The following SMAP1 variants were observed in gnomAD, a reference collection of about 807,000 sequenced individuals.
SMAP1 encodes the protein stromal membrane-associated protein 1.
SMAP1 carries 24 observed loss-of-function variants against 58.5 expected under a neutral mutation model. That is an observed-to-expected ratio of 0.41 (90% CI 0.30 to 0.58). The LOEUF is 0.58. SMAP1 is among the 20% of genes least tolerant of loss of function. SMAP1 has a pLI of 0.29. For synonymous variants in SMAP1, 216 were observed against 196.6 expected (o/e 1.10, Z -0.82); for missense variants, 563 against 566.3 (o/e 0.99, Z 0.06).
chr6:70,745,565 T>C lies in SMAP1; in HGVS notation c.253-9415T>C, dbSNP rs1313614291. Among the ~76,000 whole-genome samples the C allele has an allele frequency of 2.0e-5, 3 of 152,368 alleles. No individual in the cohort carries two copies. In the South Asian group the frequency reaches 6.2e-4, roughly 32 times the overall value. On this transcript the variant is annotated intron_variant, in intron 2 of 10. Coordinates refer to ENST00000370455, the MANE Select transcript of SMAP1 (RefSeq NM_001044305.3). The stretch of plus-strand genomic sequence containing the variant: ...TTTTGGTACCAGTACCATGCTGTTT[T>C]GGTTACTGTAGCCTTGTAGTATAGT...
chr6:70,798,487 C>T (rs370441271), intron 5 of SMAP1, among the ~76,000 whole-genome samples, 170 bp from the exon 6 acceptor site: 3 of 151,846 alleles, frequency 2.0e-5, no homozygotes, highest in Non-Finnish European at 4.4e-5. Flanking sequence ...CAGCATATAA[C>T]CTCAATGAGA....
chr6:70,808,704 C>A (rs1201251501), intron 6 of SMAP1, among the ~76,000 whole-genome samples: 5 of 152,186 alleles, frequency 3.3e-5, no homozygotes, highest in Non-Finnish European at 7.3e-5. Context: ...CATCATCTAA[C>A]AGTATCCTTA....
At position 70,729,459 on chromosome 6, in the gene SMAP1, T is replaced by TTTTGTGTGTGTG. The variant is rs1491434129; in HGVS notation, c.119-2918_119-2917insTTGTGTGTGTGT. Reference sequence around the variant, plus strand: ...GTCTCAAAAAAAAAAAAAAAGAAGGTTGTGTGTGTGTGTGTGTGTGTGTGT... The same window carrying TTTTGTGTGTGTG: ...GTCTCAAAAAAAAAAAAAAAGAAGGTTTTGTGTGTGTGTGTGTGTGTGTGTGTGTGTGTGTGT... On this transcript the variant is annotated intron_variant, in intron 1 of 10. Coordinates refer to ENST00000370455, the MANE Select transcript of SMAP1 (RefSeq NM_001044305.3). 2.8e-3 allele frequency among the ~76,000 whole-genome samples: 357 copies of TTTTGTGTGTGTG among 128,164 alleles called. 1 individual carries two copies. Among genetic ancestry groups the TTTTGTGTGTGTG allele is most frequent in the African/African-American group, 8.3e-3 (284 of 34,098 alleles). The allele number at this position is 128,164 out of a possible 152,430, so 84.1% of individuals were successfully genotyped here. A position where few individuals can be genotyped will look rare whatever the true frequency, so the allele number is the denominator to read the frequency against.
At chr6:70,748,737 T>C (rs1766151250) in intron 2 of SMAP1, among the ~76,000 whole-genome samples, 1 of 152,092 alleles carries the variant, frequency 6.6e-6, no homozygotes, top group South Asian at 2.1e-4. Context: ...ATAGAAAATA[T>C]GTGGACATGG....
At chr6:70,756,719 C>G (rs1778142696) in intron 3 of SMAP1, among the ~76,000 whole-genome samples, 1 of 152,006 alleles carries the variant, frequency 6.6e-6, no homozygotes, top group South Asian at 2.1e-4. Context: ...TCTTATACAC[C>G]AATAACAGAC....
At chr6:70,705,518 T>C (rs1309375566) in intron 1 of SMAP1, among the ~76,000 whole-genome samples, 1 of 152,150 alleles carries the variant, frequency 6.6e-6, no homozygotes, top group East Asian at 1.9e-4. Flanking sequence ...CCCAAACTGT[T>C]GGGATTACAG....
intron 4 of SMAP1, among the ~76,000 whole-genome samples, chr6:70,779,334 C>T (rs1767668288): frequency 6.6e-6 from 1 of 152,168 alleles, no homozygotes; most frequent in African/African-American, 2.4e-5. Context: ...TATTGGGCTT[C>T]AGGGCTGGAT....
At position 70,812,025 on chromosome 6, in the gene SMAP1, A is replaced by T. The variant is rs188297387; in HGVS notation, c.576+13288A>T. ...ATTCACATCGCTGGGACAATATTTC[A>T]TCATGTTACTCAGAACCGTGTGTAA... On this transcript the variant is annotated intron_variant, in intron 6 of 10. Transcript: ENST00000370455. Among the ~76,000 whole-genome samples, 268 of 152,316 alleles carry T rather than the reference A, an allele frequency of 1.8e-3. 1 individual carries two copies. The highest frequency in any genetic ancestry group is 6.8e-3 in the Middle Eastern group (2 of 294).
chr6:70,763,458 G>A (rs1766838911), intron 3 of SMAP1, among the ~76,000 whole-genome samples: 1 of 152,016 alleles, frequency 6.6e-6, no homozygotes, highest in Non-Finnish European at 1.5e-5. Context: ...CTTTTCCTCT[G>A]CACTCCGTAT....
intron 3 of SMAP1, among the ~76,000 whole-genome samples, chr6:70,766,188 T>C (rs1032425599): frequency 1.8e-4 from 27 of 152,308 alleles, no homozygotes; most frequent in African/African-American, 6.3e-4. Context: ...CTATTGTGAA[T>C]AGTGCCACAA....
At chr6:70,769,681 A>G (rs984152638) in intron 3 of SMAP1, among the ~76,000 whole-genome samples, 6 of 152,176 alleles carry the variant, frequency 3.9e-5, no homozygotes, top group African/African-American at 7.2e-5. Context: ...AATACAGCAC[A>G]CTGATGGGTC....
At chr6:70,841,273 G>A (rs888976778) in intron 7 of SMAP1, among the ~76,000 whole-genome samples, 5 of 152,198 alleles carry the variant, frequency 3.3e-5, no homozygotes, top group Non-Finnish European at 7.3e-5. Flanking sequence ...TCCTGCAGGG[G>A]TTCTGTTTTG....
At chr6:70,852,342 A>G (rs1309746639) in intron 7 of SMAP1, among the ~76,000 whole-genome samples, 198 bp from the exon 8 acceptor site, 1 of 152,166 alleles carries the variant, frequency 6.6e-6, no homozygotes, top group African/African-American at 2.4e-5. Context: ...TGGATAAAGA[A>G]TATTTCTGGG....
chr6:70,804,531 C>T (rs1050722514), intron 6 of SMAP1, among the ~76,000 whole-genome samples: 1 of 152,102 alleles, frequency 6.6e-6, no homozygotes, highest in Admixed American at 6.6e-5. Flanking sequence ...GAATGAGATC[C>T]TGTCATTATG....
chr6:70,668,515 G>A, intron 1 of SMAP1: 4 of 1,501,524 alleles, frequency 2.7e-6, no homozygotes, highest in Non-Finnish European at 3.5e-6. Flanking sequence ...TGCCCTCCTA[G>A]CTCTGCTCAT....
At chr6:70,677,512 G>A (rs576317167) in intron 1 of SMAP1, among the ~76,000 whole-genome samples, 1 of 134,752 alleles carries the variant, frequency 7.4e-6, no homozygotes, top group Non-Finnish European at 1.5e-5. Context: ...TCTGCCTGCC[G>A]GGTTGATGCC....
At chr6:70,793,671 A>AGAGG (rs1768466957) in intron 5 of SMAP1, among the ~76,000 whole-genome samples, 1 of 149,634 alleles carries the variant, frequency 6.7e-6, no homozygotes, top group Non-Finnish European at 1.5e-5. Context: ...AGAGAGAGAG[A>AGAGG]GAAAGCTTAA....
In SMAP1 at chr6:70,856,850, T is replaced by G. The variant is rs1771445799; in HGVS notation, c.790-9T>G. 6.3e-7 allele frequency: 1 copy of G among 1,591,742 alleles called. No individual in the cohort carries two copies. Among genetic ancestry groups the G allele is most frequent in the Admixed American group, 1.8e-5 (1 of 56,066 alleles). On this transcript the variant is annotated splice_polypyrimidine_tract_variant and intron_variant, in intron 8 of 10. Coordinates refer to ENST00000370455, the MANE Select transcript of SMAP1 (RefSeq NM_001044305.3). ...AGAATTTGATAGCTTATTTTGGTGT[T>G]TGTCTCAGGGGACACCCTCTGCACC...
intron 7 of SMAP1, among the ~76,000 whole-genome samples, chr6:70,841,270 G>T (rs1416178585): frequency 1.3e-5 from 2 of 152,208 alleles, no homozygotes; most frequent in African/African-American, 4.8e-5. Flanking sequence ...GGTTCCTGCA[G>T]GGGTTCTGTT....
Sources: gnomAD v4.1 joint callset for allele counts (sites outside exome capture counted in the v4.1 genomes callset) on GRCh38, gnomAD v4.1.1 for gene constraint, MANE v1.5 for transcripts, NCBI Gene and HGNC (gene_info 2026-07-23, HGNC 2026-07-21) for gene names.